FGD3: variants seen among roughly 807,000 people sequenced by gnomAD.
FGD3 encodes FYVE, RhoGEF and PH domain containing 3.
In FGD3, 45 loss-of-function variants were observed where a neutral mutation model predicts 71.8. The observed-to-expected ratio is 0.63, with a 90% CI of 0.49 to 0.80. The LOEUF is 0.80. FGD3 is among the 30% of genes least tolerant of loss of function. The pLI is 0.00. For synonymous variants in FGD3, 378 were observed against 392.8 expected (o/e 0.96, Z 0.44); for missense variants, 844 against 951.5 (o/e 0.89, Z 1.49).
chr9:93,029,745 C>A, intron 14 of FGD3, 129 bp from the exon 15 acceptor site: 1 of 1,268,762 alleles, frequency 7.9e-7, no homozygotes, highest in Non-Finnish European at 1.1e-6. Flanking sequence ...TCATTCCCTT[C>A]TGCATGTTCC....
chr9:92,991,940 CT>C (rs372056427), intron 3 of FGD3, among the ~76,000 whole-genome samples: 3 of 152,182 alleles, frequency 2.0e-5, no homozygotes, highest in African/African-American at 7.2e-5. Flanking sequence ...GACTTGAAGT[CT>C]TCTTCGTCTG....
intron 3 of FGD3, among the ~76,000 whole-genome samples, chr9:92,979,040 A>G (rs1023125018): frequency 1.3e-5 from 2 of 151,814 alleles, no homozygotes; most frequent in Non-Finnish European, 2.9e-5. Flanking sequence ...GTATAAAATC[A>G]TGTCATCTGT....
intron 10 of FGD3, among the ~76,000 whole-genome samples, chr9:93,016,990 T>C (rs2118778623): frequency 1.3e-5 from 2 of 152,318 alleles, no homozygotes; most frequent in Admixed American, 1.3e-4. Flanking sequence ...GCTGGGCACG[T>C]AGTTTCGCTG....
chr9:92,978,011 G>C (rs556783496), intron 3 of FGD3, among the ~76,000 whole-genome samples: 37 of 152,132 alleles, frequency 2.4e-4, no homozygotes, highest in Non-Finnish European at 5.0e-4. Context: ...GGCTGGGCGC[G>C]GTGGCTCACG....
At chr9:92,998,724 GGA>G (rs775549787) in intron 3 of FGD3, among the ~76,000 whole-genome samples, 20 of 152,318 alleles carry the variant, frequency 1.3e-4, no homozygotes, top group Non-Finnish European at 2.4e-4. Context: ...CAGGTCTGTT[GGA>G]GTTTGCTGGA....
rs1293896215 is a variant in FGD3, at chr9:92,969,795, G to T, written c.-217-5443G>T. ...TCTGGGGGACCGCTGCACTGTGGAG[G>T]GACACGGGGCGGGGGCCAGAGCACT... On this transcript the variant is annotated intron_variant, in intron 1 of 17. Transcript: ENST00000375482. The surrounding 1 kb of genome is among the most constrained non-coding windows in gnomAD (Gnocchi z 4.5). Among the ~76,000 whole-genome samples, 1 of 152,202 alleles carries T rather than the reference G, an allele frequency of 6.6e-6. No homozygotes were observed. Among genetic ancestry groups the T allele is most frequent in the Non-Finnish European group, 1.5e-5 (1 of 68,034 alleles).
chr9:92,948,560 C>T (rs1249098706), intron 1 of FGD3, among the ~76,000 whole-genome samples: 1 of 152,192 alleles, frequency 6.6e-6, no homozygotes, highest in Admixed American at 6.5e-5. Flanking sequence ...ATACAGGTAT[C>T]ATTGCCTAAA....
intron 1 of FGD3, among the ~76,000 whole-genome samples, chr9:92,959,771 G>T: frequency 6.7e-6 from 1 of 150,374 alleles, no homozygotes; most frequent in East Asian, 1.9e-4. Flanking sequence ...GCTCATTTGT[G>T]TGGGTGTTTT....
chr9:93,012,039 A>G lies in FGD3; in HGVS notation c.1035+767A>G, dbSNP rs541759075. Among the ~76,000 whole-genome samples the G allele has an allele frequency of 2.0e-3, 301 of 151,170 alleles. 2 individuals carry two copies. The highest frequency in any genetic ancestry group is 7.0e-3 in the African/African-American group (288 of 41,102). The stretch of plus-strand genomic sequence containing the variant: ...CATGGTGGCAGGCGACTGTAGTCCC[A>G]GCTACTCAGGAGGCTGAGGCAGGAG... On this transcript the variant is annotated intron_variant, in intron 8 of 17. Coordinates refer to ENST00000375482, the MANE Select transcript of FGD3 (RefSeq NM_001083536.2).
In FGD3 at chr9:93,020,355, C is replaced by A. The variant is rs773672978; in HGVS notation, c.1425C>A (p.Ser475Arg). The A allele has an allele frequency of 1.2e-6, 2 of 1,613,672 alleles. No homozygotes were observed. Among genetic ancestry groups the A allele is most frequent in the East Asian group, 4.5e-5 (2 of 44,868 alleles). Residue 475 changes from serine (S) to arginine (R), a missense_variant, in exon 13 of 18, where the codon AGC (serine) becomes AGA (arginine). By Grantham distance (110) the Ser-to-Arg change is moderately radical. Coordinates refer to ENST00000375482, the MANE Select transcript of FGD3 (RefSeq NM_001083536.2). ...QATIEKHKQN[S>R]ETFKAFGGAF... is the part of the protein sequence containing the mutation. ...CCATCGAGAAGCACAAACAGAACAG[C>A]GAAACCTTCAAGGCTTTTGGTGGCG... is the stretch of plus-strand genomic sequence containing the variant.
At chr9:93,028,236 A>ACC (rs1564171494) in intron 14 of FGD3, among the ~76,000 whole-genome samples, 2 of 141,756 alleles carry the variant, frequency 1.4e-5, no homozygotes, top group Admixed American at 7.2e-5. Context: ...ACACACACAC[A>ACC]CCCCAATTTT....
At chr9:92,967,460 G>GT (rs1859372706) in intron 1 of FGD3, among the ~76,000 whole-genome samples, 1 of 152,166 alleles carries the variant, frequency 6.6e-6, no homozygotes, top group Non-Finnish European at 1.5e-5. Context: ...GACTCCTCTA[G>GT]GACCTAACGT....
chr9:93,029,952 A>G lies in FGD3; in HGVS notation c.1636A>G (p.Asn546Asp). Residue 546 changes from asparagine (N) to aspartate (D), a missense_variant, in exon 15 of 18, where the codon AAC (asparagine) becomes GAC (aspartate). Physicochemically the swap from Asn to Asp is conservative, Grantham distance 23. Transcript: ENST00000375482. Reference protein sequence around the residue: ...QSCKSCGETFNSITKRRHHCK... With the variant: ...QSCKSCGETFDSITKRRHHCK... Reference sequence around the variant, plus strand: ...CTGTAAGAGCTGTGGTGAGACCTTCAACTCCATCACCAAGAGGAGGCATCA... The same window carrying G: ...CTGTAAGAGCTGTGGTGAGACCTTCGACTCCATCACCAAGAGGAGGCATCA... The G allele has an allele frequency of 6.2e-7, 1 of 1,613,474 alleles. No homozygotes were observed.
chr9:93,005,267 C>G (rs542141976), intron 5 of FGD3, among the ~76,000 whole-genome samples: 1 of 152,054 alleles, frequency 6.6e-6, no homozygotes, highest in South Asian at 2.1e-4. Context: ...GGACTGCAGG[C>G]GCCCGCCACC....
chr9:93,034,618 C>T lies in FGD3; in HGVS notation c.1863C>T (p.Ser621=), dbSNP rs778159939. 7 of 1,613,500 alleles carry T rather than the reference C, an allele frequency of 4.3e-6. No individual in the cohort carries two copies. Among genetic ancestry groups the T allele is most frequent in the South Asian group, 3.3e-5 (3 of 91,076 alleles). Reference sequence around the variant, plus strand: ...TGTCAGAGAGCGGTGAGACCTGGAGCGAGGTGTGGGCCGCCATCCCCATGT... The same window carrying T: ...TGTCAGAGAGCGGTGAGACCTGGAGTGAGGTGTGGGCCGCCATCCCCATGT... ...LRLSESGETW[S]EVWAAIPMSD... The change falls in exon 17 of 18, where the codon AGC becomes AGT. Residue 621 remains serine, a synonymous_variant. Coordinates refer to ENST00000375482, the MANE Select transcript of FGD3 (RefSeq NM_001083536.2).
chr9:93,022,199 G>A, intron 13 of FGD3, 128 bp from the exon 14 acceptor site: 1 of 886,998 alleles, frequency 1.1e-6, no homozygotes, highest in African/African-American at 1.7e-5. Flanking sequence ...CCTAGGCCTG[G>A]GAAATCCTGC....
intron 3 of FGD3, among the ~76,000 whole-genome samples, chr9:92,987,061 A>G (rs1860213275): frequency 6.6e-6 from 1 of 152,222 alleles, no homozygotes; most frequent in Non-Finnish European, 1.5e-5. Context: ...GTGAGTGCAC[A>G]AGCCATTTCA....
rs181454093 is a variant in FGD3 at position 93,003,253 on chromosome 9, C to T, written c.543+239C>T. 1.2e-3 allele frequency among the ~76,000 whole-genome samples: 183 copies of T among 152,220 alleles called. No individual in the cohort carries two copies. The highest frequency in any genetic ancestry group is 4.0e-3 in the African/African-American group (167 of 41,534). The stretch of plus-strand genomic sequence containing the variant: ...AAGCAATTCTCCTGTCTCAGCCTCC[C>T]GAGTAGCTGGGACTACAGGCACATG... On this transcript the variant is annotated intron_variant, in intron 4 of 17. Transcript: ENST00000375482. The surrounding 1 kb of genome is among the most constrained non-coding windows in gnomAD (Gnocchi z 4.1).
rs1303423056 is a variant in FGD3 at position 93,012,701 on chromosome 9, GGGA to G, written c.1036-1150_1036-1148del. On this transcript the variant is annotated intron_variant, in intron 8 of 17. Transcript: ENST00000375482. ...GTGGGCGGTGGCGGGGTGTGGGGGGGGGAAGAATCAATCTACATAGAATGCTCA... is the reference window on the plus strand; with the variant it reads ...GTGGGCGGTGGCGGGGTGTGGGGGGGAGAATCAATCTACATAGAATGCTCA... Among the ~76,000 whole-genome samples the G allele has an allele frequency of 1.3e-4, 19 of 141,098 alleles. No homozygotes were observed. The South Asian group carries it at 2.5e-3, about 19-fold the overall frequency. 92.6% of individuals were successfully genotyped at this position (141,098 alleles called of 152,430 possible). A position where few individuals can be genotyped will look rare whatever the true frequency, so the allele number is the denominator to read the frequency against.
Sources: gnomAD v4.1 joint callset for allele counts (sites outside exome capture counted in the v4.1 genomes callset) on GRCh38, gnomAD v4.1.1 for gene constraint, Gnocchi (gnomAD v3.1) non-coding constraint, MANE v1.5 for transcripts, NCBI Gene and HGNC (gene_info 2026-07-23, HGNC 2026-07-21) for gene names.